Variants in ADGRV1 observed in about 807,000 individuals in gnomAD.
ADGRV1 encodes adhesion G protein-coupled receptor V1, also known as G-protein coupled receptor 98.
A neutral mutation model predicts 596.2 loss-of-function variants in ADGRV1; 359 were observed. That is an observed-to-expected ratio of 0.60 (90% CI 0.55 to 0.66). The LOEUF is 0.66. ADGRV1 is among the 30% of genes least tolerant of loss of function. ADGRV1 has a pLI of 0.00. For missense variants in ADGRV1, 7,274 were observed against 7,575.6 expected (o/e 0.96, Z 1.48); for synonymous variants, 2,681 against 2,679.2 (o/e 1.00, Z -0.02).
In ADGRV1 at chr5:90,854,119, G is replaced by C; in HGVS notation, c.17512G>C (p.Val5838Leu). The change falls in exon 81 of 90, where the codon GTT becomes CTT. Residue 5838 changes from valine to leucine, a missense_variant. Val to Leu is a conservative substitution (Grantham distance 32). Coordinates refer to ENST00000405460, the MANE Select transcript of ADGRV1 (RefSeq NM_032119.4). ...ACAACTCCTGACTAATGACAATGAG[G>C]TTCTCTACAGGATTTATGCTGCTGA... Reference protein sequence around the residue: ...SSQLLTNDNEVLYRIYAAEPR... With the variant: ...SSQLLTNDNELLYRIYAAEPR... 1 of 1,579,264 alleles carries C rather than the reference G, an allele frequency of 6.3e-7. No individual in the cohort carries two copies. Among genetic ancestry groups the C allele is most frequent in the Non-Finnish European group, 8.6e-7 (1 of 1,159,414 alleles).
Position 90,629,267 on chromosome 5 carries a change from A to T in ADGRV1, c.1567A>T (p.Met523Leu), listed in dbSNP as rs190835338. ...CTATGGCCTAATAACATTTTTTCCTATGGAAAACCAGAAGATTGAAAGCAG... is the reference window on the plus strand; with the variant it reads ...CTATGGCCTAATAACATTTTTTCCTTTGGAAAACCAGAAGATTGAAAGCAG... ...DVYGLITFFP[M>L]ENQKIESSPG... Residue 523 changes from methionine to leucine, a missense_variant, in exon 9 of 90, where the codon ATG becomes TTG. Met to Leu is a conservative substitution (Grantham distance 15). Transcript: ENST00000405460. 2 of 1,611,170 alleles carry T rather than the reference A, an allele frequency of 1.2e-6. No homozygotes were observed. The highest frequency in any genetic ancestry group is 1.7e-6 in the Non-Finnish European group (2 of 1,178,966).
chr5:90,648,564 G>A (rs998853528), intron 17 of ADGRV1, among the ~76,000 whole-genome samples: 7 of 152,290 alleles, frequency 4.6e-5, no homozygotes, highest in African/African-American at 1.4e-4. Flanking sequence ...GAATGCCAAC[G>A]TTGTGTTCCA....
intron 82 of ADGRV1, among the ~76,000 whole-genome samples, chr5:90,860,728 A>AC: frequency 6.6e-6 from 1 of 151,942 alleles, no homozygotes; most frequent in South Asian, 2.1e-4. Flanking sequence ...ATAATAAAAA[A>AC]AAAAAAGCCT....
rs75892209 is a variant in ADGRV1, at chr5:90,946,247, G to A, written c.17857-19168G>A. Among the ~76,000 whole-genome samples the A allele has an allele frequency of 9.9e-5, 15 of 152,122 alleles. No individual in the cohort carries two copies. In the East Asian group the frequency reaches 2.9e-3, roughly 29 times the overall value. On this transcript the variant is annotated intron_variant, in intron 83 of 89. Transcript: ENST00000405460. ...CAGCTGAGTGAGTAATGGGCACAGTGGTATAGATGATGAGGTGACAGAGTA... is the reference window on the plus strand; with the variant it reads ...CAGCTGAGTGAGTAATGGGCACAGTAGTATAGATGATGAGGTGACAGAGTA...
At chr5:90,890,390 A>C (rs1770692852) in intron 83 of ADGRV1, among the ~76,000 whole-genome samples, 1 of 152,178 alleles carries the variant, frequency 6.6e-6, no homozygotes, top group East Asian at 1.9e-4. Flanking sequence ...TTCAGTGAGC[A>C]ATACAGCACA....
chr5:90,742,789 A>C (rs966410220), intron 50 of ADGRV1, among the ~76,000 whole-genome samples: 1 of 152,208 alleles, frequency 6.6e-6, no homozygotes, highest in Non-Finnish European at 1.5e-5. Flanking sequence ...ATTGATTCAG[A>C]TGATGTCTCA....
chr5:90,924,430 T>C (rs1774209709), intron 83 of ADGRV1, among the ~76,000 whole-genome samples: 1 of 152,058 alleles, frequency 6.6e-6, no homozygotes, highest in Non-Finnish European at 1.5e-5. Context: ...AAATGTCTTC[T>C]TTTGAGAAGT....
chr5:91,083,246 T>TA (rs1582003283), intron 86 of ADGRV1, among the ~76,000 whole-genome samples: 2 of 99,044 alleles, frequency 2.0e-5, no homozygotes, highest in East Asian at 4.8e-4. Context: ...TGTCATGGGG[T>TA]AGGGGGGATG....
chr5:90,678,714 C>T (rs899914871), intron 25 of ADGRV1, among the ~76,000 whole-genome samples: 1 of 150,054 alleles, frequency 6.7e-6, no homozygotes, highest in Admixed American at 6.7e-5. Flanking sequence ...TTACAAGAAA[C>T]CCATTCTTGC....
intron 83 of ADGRV1, among the ~76,000 whole-genome samples, chr5:90,949,782 A>G (rs1432478731): frequency 6.6e-6 from 1 of 152,200 alleles, no homozygotes; most frequent in Non-Finnish European, 1.5e-5. Context: ...AAATTATAGA[A>G]TGTTAGAGCT....
chr5:91,089,070 A>C (rs1790155356), intron 86 of ADGRV1, among the ~76,000 whole-genome samples: 1 of 152,056 alleles, frequency 6.6e-6, no homozygotes, highest in Admixed American at 6.6e-5. Context: ...TCCCTTATGC[A>C]TTAAAATCCC....
chr5:90,831,295 A>C (rs1764505035), intron 77 of ADGRV1, among the ~76,000 whole-genome samples: 1 of 151,808 alleles, frequency 6.6e-6, no homozygotes, highest in Admixed American at 6.6e-5. Flanking sequence ...ACACACACAC[A>C]CACAAAAACA....
At chr5:90,767,674 C>CTTT (rs112354620) in intron 59 of ADGRV1, among the ~76,000 whole-genome samples, 1 of 142,306 alleles carries the variant, frequency 7.0e-6, no homozygotes. Context: ...CCATGTCTTA[C>CTTT]TTTTTTTTTT....
chr5:91,005,069 A>G (rs1262808324), intron 85 of ADGRV1, among the ~76,000 whole-genome samples: 2 of 152,200 alleles, frequency 1.3e-5, no homozygotes, highest in African/African-American at 4.8e-5. Flanking sequence ...TCAACCCTAC[A>G]CTAAATTTAA....
chr5:90,655,389 C>A (rs1769257121), intron 20 of ADGRV1: 1 of 152,132 alleles, frequency 6.6e-6, no homozygotes, highest in Admixed American at 6.6e-5. Context: ...TGCTCATTAC[C>A]ATATAGAATT....
chr5:90,872,453 G>A (rs1189163801), intron 83 of ADGRV1, among the ~76,000 whole-genome samples: 6 of 86,464 alleles, frequency 6.9e-5, no homozygotes, highest in Admixed American at 4.5e-4. Context: ...GTGTGTGTGT[G>A]TGTGTGTGTG....
intron 1 of ADGRV1, among the ~76,000 whole-genome samples, chr5:90,593,612 A>C (rs1759831403): frequency 6.6e-6 from 1 of 152,186 alleles, no homozygotes; most frequent in African/African-American, 2.4e-5. Context: ...TAATTTTTTA[A>C]AAAGAGTACA....
chr5:90,578,817 A>G (rs1283691962), intron 1 of ADGRV1, among the ~76,000 whole-genome samples: 1 of 152,150 alleles, frequency 6.6e-6, no homozygotes, highest in East Asian at 1.9e-4. Context: ...CAGAGATTCA[A>G]CTTCTTCCTG....
chr5:91,051,153 C>T (rs965087167), intron 85 of ADGRV1, among the ~76,000 whole-genome samples: 7 of 152,186 alleles, frequency 4.6e-5, no homozygotes, highest in Admixed American at 4.6e-4. Context: ...GGCACCCAGA[C>T]TTTTAAATGT....
Sources: gnomAD v4.1 joint callset for allele counts (sites outside exome capture counted in the v4.1 genomes callset) on GRCh38, gnomAD v4.1.1 for gene constraint, MANE v1.5 for transcripts, NCBI Gene and HGNC (gene_info 2026-07-23, HGNC 2026-07-21) for gene names.